The following B3GLCT variants were observed in gnomAD, a reference collection of about 807,000 sequenced individuals.
The protein encoded by B3GLCT is beta-1,3-glucosyltransferase.
Under a neutral mutation model 63.4 loss-of-function variants are expected in B3GLCT, and 65 were observed. The ratio of observed to expected loss-of-function variants is 1.03; its 90% confidence interval spans 0.84 to 1.26. The LOEUF (loss-of-function observed/expected upper bound fraction) is 1.26. B3GLCT is among the 50% of genes most tolerant of loss of function. The probability of loss-of-function intolerance (pLI) is 0.00; values close to 1 mark genes in which losing one functional copy is unlikely to be tolerated. For missense variants in B3GLCT, 577 were observed against 604.8 expected, an observed-to-expected ratio of 0.95 and a Z score of 0.48; for synonymous variants, 233 against 219.2, an observed-to-expected ratio of 1.06 and a Z score of -0.55.
At position 31,210,694 on chromosome 13, in the gene B3GLCT, A is replaced by T. The variant is rs1593245850; in HGVS notation, c.71-4357A>T. Among the ~76,000 whole-genome samples the T allele has an allele frequency of 2.6e-5, 4 of 152,310 alleles. No individual in the cohort carries two copies. The East Asian group carries it at 7.7e-4, about 29-fold the overall frequency. ...GGTTAGTTATTTTAATATTGGATTT[A>T]TTAGTGGTATAGCATATTCAGTGCC... is the stretch of plus-strand genomic sequence containing the variant. On this transcript the variant is annotated intron_variant, in intron 1 of 14. Coordinates refer to ENST00000343307, the MANE Select transcript of B3GLCT (RefSeq NM_194318.4).
chr13:31,320,341 G>T (rs1467744151), intron 13 of B3GLCT, among the ~76,000 whole-genome samples: 1 of 152,138 alleles, frequency 6.6e-6, no homozygotes, highest in Non-Finnish European at 1.5e-5. Context: ...CTGATTACCA[G>T]CCTCCCTGGG....
chr13:31,200,619 G>T (rs1868606802), intron 1 of B3GLCT, among the ~76,000 whole-genome samples: 1 of 151,720 alleles, frequency 6.6e-6, no homozygotes, highest in African/African-American at 2.4e-5. Context: ...CGGGCGGGAG[G>T]CTGGACGGGA....
intron 3 of B3GLCT, among the ~76,000 whole-genome samples, chr13:31,226,298 A>C (rs1389475708): frequency 1.3e-5 from 2 of 152,162 alleles, no homozygotes. Flanking sequence ...AGAGCCCTAC[A>C]CTTAGTAGGT....
At chr13:31,266,516 T>C (rs1028997242) in intron 7 of B3GLCT, among the ~76,000 whole-genome samples, 2 of 152,190 alleles carry the variant, frequency 1.3e-5, no homozygotes, top group Non-Finnish European at 2.9e-5. Context: ...AAAACTGAAA[T>C]CCAGTTACCA....
At chr13:31,296,541 T>C (rs1446716254) in intron 12 of B3GLCT, among the ~76,000 whole-genome samples, 1 of 152,188 alleles carries the variant, frequency 6.6e-6, no homozygotes, top group Non-Finnish European at 1.5e-5. Flanking sequence ...TAGCTTCATA[T>C]TGGGGATTAG....
chr13:31,327,921 C>A (rs1875716184), intron 14 of B3GLCT, among the ~76,000 whole-genome samples: 1 of 152,214 alleles, frequency 6.6e-6, no homozygotes, highest in Non-Finnish European at 1.5e-5. Flanking sequence ...TGTTGGAACA[C>A]TCATCTGAGC....
At chr13:31,232,035 G>A (rs1214306066) in intron 4 of B3GLCT, among the ~76,000 whole-genome samples, 1 of 152,206 alleles carries the variant, frequency 6.6e-6, no homozygotes, top group Non-Finnish European at 1.5e-5. Flanking sequence ...AGGCAGCTGA[G>A]CAGGTGTGGA....
intron 1 of B3GLCT, among the ~76,000 whole-genome samples, chr13:31,214,765 G>A (rs1404126667): frequency 6.6e-6 from 1 of 152,198 alleles, no homozygotes; most frequent in Non-Finnish European, 1.5e-5. Flanking sequence ...CTATTTTATA[G>A]TTTATGTCTA....
chr13:31,261,006 T>G lies in B3GLCT; in HGVS notation c.520T>G (p.Phe174Val). The change falls in exon 7 of 15, where the codon TTT (phenylalanine) becomes GTT (valine). Residue 174 changes from phenylalanine (F) to valine (V), a missense_variant. Coordinates refer to ENST00000343307, the MANE Select transcript of B3GLCT (RefSeq NM_194318.4). The part of the protein sequence containing the change: ...EEATIIHHYA[F>V]SENPTVFKYP... ...AGCTACAATAATTCACCATTATGCC[T>G]TTTCCGAGAATCCTACAGTTTTTAA... 6.2e-7 allele frequency: 1 copy of G among 1,613,860 alleles called. No homozygotes were observed. The highest frequency in any genetic ancestry group is 1.1e-5 in the South Asian group (1 of 91,060).
chr13:31,236,204 G>A (rs1870639701), intron 4 of B3GLCT, among the ~76,000 whole-genome samples: 1 of 152,192 alleles, frequency 6.6e-6, no homozygotes, highest in Non-Finnish European at 1.5e-5. Flanking sequence ...CACAGCATTA[G>A]AACCTGTATT....
At chr13:31,244,656 GCACC>G (rs2137800901) in intron 4 of B3GLCT, among the ~76,000 whole-genome samples, 1 of 152,074 alleles carries the variant, frequency 6.6e-6, no homozygotes, top group South Asian at 2.1e-4. Flanking sequence ...AAATTTTATT[GCACC>G]CTTTTTGATA....
chr13:31,298,144 C>T (rs1371469813), intron 12 of B3GLCT, among the ~76,000 whole-genome samples: 2 of 152,186 alleles, frequency 1.3e-5, no homozygotes, highest in Admixed American at 1.3e-4. Context: ...GGTGACCAGT[C>T]CCATCTTGAA....
intron 14 of B3GLCT, 123 bp downstream of exon 14, chr13:31,324,018 C>T: frequency 8.0e-7 from 1 of 1,244,494 alleles, no homozygotes; most frequent in South Asian, 1.2e-5. Flanking sequence ...TTGACAGGCT[C>T]CAGGGGAATG....
At chr13:31,253,846 AG>A (rs1871576924) in intron 6 of B3GLCT, among the ~76,000 whole-genome samples, 1 of 152,108 alleles carries the variant, frequency 6.6e-6, no homozygotes, top group Non-Finnish European at 1.5e-5. Flanking sequence ...AAAATGATAA[AG>A]GGGATATCAC....
chr13:31,213,190 G>T (rs1380188007), intron 1 of B3GLCT, among the ~76,000 whole-genome samples: 2 of 152,220 alleles, frequency 1.3e-5, no homozygotes, highest in Non-Finnish European at 2.9e-5. Flanking sequence ...TGTGACTCTA[G>T]GGTCCCCCAT....
At chr13:31,245,671 C>CA (rs1871166461) in intron 4 of B3GLCT, among the ~76,000 whole-genome samples, 1 of 152,116 alleles carries the variant, frequency 6.6e-6, no homozygotes, top group African/African-American at 2.4e-5. Context: ...TTGTCTAGCT[C>CA]ACATTTGCAT....
intron 1 of B3GLCT, among the ~76,000 whole-genome samples, chr13:31,205,254 T>G (rs539611983): frequency 1.1e-3 from 169 of 151,738 alleles, no homozygotes; most frequent in Middle Eastern, 6.8e-3. Context: ...TTTTGTTTTT[T>G]TTTTTAAGAG....
intron 6 of B3GLCT, among the ~76,000 whole-genome samples, chr13:31,252,857 C>T (rs1176005960): frequency 1.3e-5 from 2 of 152,150 alleles, no homozygotes; most frequent in Non-Finnish European, 2.9e-5. Context: ...CTGGACCAAG[C>T]AGACCTAACA....
intron 13 of B3GLCT, among the ~76,000 whole-genome samples, chr13:31,321,214 T>C (rs1002690738): frequency 1.3e-5 from 2 of 152,248 alleles, no homozygotes; most frequent in African/African-American, 2.4e-5. Flanking sequence ...GTTCTGTCTT[T>C]AATAGCGCTT....
Sources: allele counts gnomAD v4.1 joint callset (sites outside exome capture counted in the v4.1 genomes callset), GRCh38; gene constraint gnomAD v4.1.1; transcripts MANE v1.5; gene names NCBI Gene and HGNC (gene_info 2026-07-23, HGNC 2026-07-21).